SYCP1: variants seen among roughly 807,000 people sequenced by gnomAD.
SYCP1 encodes synaptonemal complex protein 1.
A neutral mutation model predicts 153.1 loss-of-function variants in SYCP1; 64 were observed. The observed-to-expected ratio is 0.42, with a 90% confidence interval of 0.34 to 0.51. SYCP1 has a LOEUF of 0.51. SYCP1 is among the 20% of genes least tolerant of loss of function. SYCP1 has a pLI of 0.06. For synonymous variants in SYCP1, 384 were observed against 341.8 expected, an observed-to-expected ratio of 1.12 and a Z score of -1.36; for missense variants, 997 against 1,049.0, an observed-to-expected ratio of 0.95 and a Z score of 0.68.
chr1:114,992,798 TAAG>T (rs1484054142), intron 30 of SYCP1, among the ~76,000 whole-genome samples: 2 of 151,428 alleles, frequency 1.3e-5, no homozygotes, highest in Non-Finnish European at 3.0e-5. Flanking sequence ...GCATCAAAAT[TAAG>T]AACTGTTGTG....
At chr1:114,978,873 A>C (rs1217530413) in intron 28 of SYCP1, among the ~76,000 whole-genome samples, 1 of 151,684 alleles carries the variant, frequency 6.6e-6, no homozygotes, top group African/African-American at 2.4e-5. Flanking sequence ...TATAGACTTA[A>C]GGAAGTATCT....
intron 23 of SYCP1, among the ~76,000 whole-genome samples, chr1:114,938,332 G>A (rs1046239068): frequency 1.3e-5 from 2 of 150,908 alleles, no homozygotes; most frequent in Non-Finnish European, 1.5e-5. Context: ...CTCACTCATA[G>A]GTGTGAATTG....
chr1:114,880,629 G>A (rs1169879268), intron 12 of SYCP1, among the ~76,000 whole-genome samples: 3 of 152,154 alleles, frequency 2.0e-5, no homozygotes, highest in African/African-American at 7.2e-5. Context: ...AAGTAAGCTG[G>A]CTTTTCTGTA....
At chr1:114,949,171 GT>G (rs1396975470) in intron 27 of SYCP1, among the ~76,000 whole-genome samples, 2 of 152,160 alleles carry the variant, frequency 1.3e-5, no homozygotes, top group Non-Finnish European at 1.5e-5. Flanking sequence ...TTTTCTTTGT[GT>G]TTGCGCAATG....
intron 15 of SYCP1, among the ~76,000 whole-genome samples, chr1:114,894,898 G>T (rs1370066667): frequency 6.6e-6 from 1 of 152,104 alleles, no homozygotes; most frequent in African/African-American, 2.4e-5. Flanking sequence ...TTTGATAGCT[G>T]CTTGAAAGAG....
intron 12 of SYCP1, 65 bp downstream of exon 12, chr1:114,878,267 G>A: frequency 9.2e-7 from 1 of 1,091,602 alleles, no homozygotes; most frequent in Non-Finnish European, 1.3e-6. Context: ...TCTAAACATT[G>A]ACTTTCATTA....
intron 16 of SYCP1, among the ~76,000 whole-genome samples, chr1:114,909,795 T>C (rs888358949): frequency 2.0e-5 from 3 of 152,190 alleles, no homozygotes; most frequent in Admixed American, 6.6e-5. Flanking sequence ...TCAATCTGTC[T>C]CCACAGTCCT....
At chr1:114,923,859 C>T (rs989639990) in intron 21 of SYCP1, among the ~76,000 whole-genome samples, 30 of 152,108 alleles carry the variant, frequency 2.0e-4, no homozygotes, top group Admixed American at 2.0e-3. Flanking sequence ...AAGTTTGTGT[C>T]ATGCTTTGGT....
intron 21 of SYCP1, among the ~76,000 whole-genome samples, chr1:114,923,785 T>C (rs1247534305): frequency 2.0e-5 from 3 of 152,142 alleles, no homozygotes; most frequent in African/African-American, 4.8e-5. Context: ...CTTAACATTT[T>C]TTAGGCAAAA....
intron 20 of SYCP1, among the ~76,000 whole-genome samples, chr1:114,918,672 A>T (rs1015368776): frequency 2.0e-5 from 3 of 151,900 alleles, no homozygotes; most frequent in African/African-American, 7.3e-5. Context: ...TTCATTAATC[A>T]GTGTTTTATA....
At chr1:114,929,295 A>T (rs1207094291) in intron 23 of SYCP1, among the ~76,000 whole-genome samples, 1 of 152,152 alleles carries the variant, frequency 6.6e-6, no homozygotes, top group African/African-American at 2.4e-5. Flanking sequence ...GCAGAGAAAC[A>T]AAAAAACAGA....
chr1:114,854,773 C>G (rs762346494), upstream of SYCP1: 1 of 152,102 alleles, frequency 6.6e-6, no homozygotes, highest in African/African-American at 2.4e-5. Context: ...TTGTTCCTAG[C>G]GATTAGGGAA....
intron 29 of SYCP1, among the ~76,000 whole-genome samples, chr1:114,982,500 C>A (rs898466132): frequency 6.6e-6 from 1 of 151,198 alleles, no homozygotes; most frequent in East Asian, 1.9e-4. Flanking sequence ...GCTATTGAGC[C>A]CTTCTAGTAA....
chr1:114,902,495 G>A (rs187327108), intron 16 of SYCP1, among the ~76,000 whole-genome samples: 7 of 142,670 alleles, frequency 4.9e-5, no homozygotes, highest in Admixed American at 2.7e-4. Flanking sequence ...AGTCCTGCTA[G>A]CAGGCTTTCT....
intron 20 of SYCP1, 94 bp from the exon 21 acceptor site, chr1:114,923,355 T>C: frequency 1.5e-6 from 2 of 1,317,302 alleles, no homozygotes; most frequent in Non-Finnish European, 2.0e-6. Flanking sequence ...GGTTAAAGAA[T>C]GTGGTCTTTA....
At chr1:114,941,658 G>A (rs547530930) in intron 23 of SYCP1, among the ~76,000 whole-genome samples, 2 of 151,730 alleles carry the variant, frequency 1.3e-5, no homozygotes, top group South Asian at 4.2e-4. Flanking sequence ...GTTTTGTATT[G>A]TCCAAGAAGA....
Position 114,872,973 on chromosome 1 carries a change from A to T in SYCP1, c.599-1533A>T, listed in dbSNP as rs550201731. Among the ~76,000 whole-genome samples, 3 of 152,134 alleles carry T rather than the reference A, an allele frequency of 2.0e-5. No individual in the cohort carries two copies. The East Asian group carries it at 5.8e-4, about 29-fold the overall frequency. ...CCCACAAGCCCTTCATTTCTGTTAC[A>T]GTGGTTTTGATATGTAGCATTTTTG... On this transcript the variant is annotated intron_variant, in intron 8 of 31. Coordinates refer to ENST00000369522, the MANE Select transcript of SYCP1 (RefSeq NM_003176.4).
Position 114,944,898 on chromosome 1 carries a change from T to C in SYCP1, c.2070T>C (p.Asp690=), listed in dbSNP as rs1481012028. 2 of 1,602,124 alleles carry C rather than the reference T, an allele frequency of 1.2e-6. No individual in the cohort carries two copies. Among genetic ancestry groups the C allele is most frequent in the Admixed American group, 1.7e-5 (1 of 57,598 alleles). The change falls in exon 25 of 32, where the codon GAT becomes GAC. Residue 690 remains aspartate (D), a synonymous_variant. Transcript: ENST00000369522. Reference sequence around the variant, plus strand: ...TTGAGAAAGCAAAAGTAATAGCTGATGAAGCAGTAAAATTACAGAAAGAAA... The same window carrying C: ...TTGAGAAAGCAAAAGTAATAGCTGACGAAGCAGTAAAATTACAGAAAGAAA... The part of the protein sequence containing the change: ...EEVEKAKVIA[D]EAVKLQKEID...
Position 114,875,435 on chromosome 1 carries a change from A to G in SYCP1, c.658-634A>G, listed in dbSNP as rs577070014. 1.8e-3 allele frequency among the ~76,000 whole-genome samples: 266 copies of G among 151,100 alleles called. 2 individuals carry two copies. Among genetic ancestry groups the G allele is most frequent in the Non-Finnish European group, 5.5e-4 (37 of 67,784 alleles). On this transcript the variant is annotated intron_variant, in intron 9 of 31. Coordinates refer to ENST00000369522, the MANE Select transcript of SYCP1 (RefSeq NM_003176.4). ...CCACTACGCCCGGCTGATTTTTTGT[A>G]TTTTTAGTGGAGACGGGGTTTCACC...
Sources: gnomAD v4.1 joint callset for allele counts (sites outside exome capture counted in the v4.1 genomes callset) on GRCh38, gnomAD v4.1.1 for gene constraint, MANE v1.5 for transcripts, NCBI Gene and HGNC (gene_info 2026-07-23, HGNC 2026-07-21) for gene names.